The following DAB2IP variants were observed in gnomAD, a reference collection of about 807,000 sequenced individuals.
DAB2IP encodes the protein DAB2 interacting protein.
DAB2IP carries 28 observed loss-of-function variants against 107.2 expected under a neutral mutation model. The ratio of observed to expected loss-of-function variants is 0.26; its 90% CI spans 0.19 to 0.36. DAB2IP has a LOEUF of 0.36. DAB2IP is among the 10% of genes least tolerant of loss of function. The pLI, the probability that DAB2IP is intolerant of heterozygous loss-of-function variation, is 1.00. For synonymous variants in DAB2IP, 755 were observed against 706.4 expected, an observed-to-expected ratio of 1.07 and a Z score of -1.09; for missense variants, 1,400 against 1,644.7, an observed-to-expected ratio of 0.85 and a Z score of 2.57.
chr9:121,754,259 C>T (rs1049758683), intron 3 of DAB2IP, among the ~76,000 whole-genome samples: 2 of 152,168 alleles, frequency 1.3e-5, no homozygotes, highest in African/African-American at 4.8e-5. Context: ...AGGGAGGGAC[C>T]GAGGACACTG....
intron 1 of DAB2IP, among the ~76,000 whole-genome samples, chr9:121,629,201 C>G (rs574142883): frequency 6.6e-6 from 1 of 152,170 alleles, no homozygotes; most frequent in African/African-American, 2.4e-5. Context: ...CACCTCGGGG[C>G]CCTACCTGCA....
intron 1 of DAB2IP, among the ~76,000 whole-genome samples, chr9:121,608,931 T>TTTG (rs1006602576): frequency 4.0e-5 from 6 of 148,854 alleles, no homozygotes; most frequent in African/African-American, 1.2e-4. Context: ...CTAGTTTTTG[T>TTTG]TTGTTTGTTT....
At chr9:121,719,260 G>A (rs1425491459) in intron 3 of DAB2IP, among the ~76,000 whole-genome samples, 1 of 152,236 alleles carries the variant, frequency 6.6e-6, no homozygotes, top group African/African-American at 2.4e-5. Context: ...CACGTAAGAA[G>A]TTGGAGACCC....
At chr9:121,706,584 C>T (rs1260570266) in intron 3 of DAB2IP, among the ~76,000 whole-genome samples, 1 of 152,208 alleles carries the variant, frequency 6.6e-6, no homozygotes, top group Non-Finnish European at 1.5e-5. Flanking sequence ...TTCCTCTCTG[C>T]CCCTCCTTCC....
chr9:121,716,632 C>T (rs1564175742), intron 3 of DAB2IP, among the ~76,000 whole-genome samples: 11 of 152,214 alleles, frequency 7.2e-5, no homozygotes, highest in Admixed American at 7.2e-4. Context: ...CCCCAGTGTG[C>T]TGCCAGGAGA....
intron 1 of DAB2IP, among the ~76,000 whole-genome samples, chr9:121,627,869 C>T (rs1232405506): frequency 1.3e-5 from 2 of 152,218 alleles, no homozygotes; most frequent in Non-Finnish European, 2.9e-5. Context: ...TCTAGTTCAG[C>T]TGTAGAATTC....
chr9:121,575,581 C>T (rs1830039015), intron 1 of DAB2IP, among the ~76,000 whole-genome samples: 1 of 152,168 alleles, frequency 6.6e-6, no homozygotes, highest in African/African-American at 2.4e-5. Context: ...TGGCCTGACT[C>T]ATGCTCAGGT....
Position 121,776,860 on chromosome 9 carries a change from A to G in DAB2IP, c.3314+469A>G, listed in dbSNP as rs145823821. Reference sequence around the variant, plus strand: ...TGTCTGGGTGTGGGCGTATCAGGGTACCAGTTACTGAGCTGGGAACTGTTA... The same window carrying G: ...TGTCTGGGTGTGGGCGTATCAGGGTGCCAGTTACTGAGCTGGGAACTGTTA... On this transcript the variant is annotated intron_variant, in intron 14 of 15. Coordinates refer to ENST00000408936, the Ensembl canonical transcript of DAB2IP. The surrounding 1 kb of genome is among the most constrained non-coding windows in gnomAD (Gnocchi z 5.4). 9.1e-4 allele frequency among the ~76,000 whole-genome samples: 139 copies of G among 152,148 alleles called. 2 individuals are homozygous for G. The highest frequency in any genetic ancestry group is 6.8e-3 in the Middle Eastern group (2 of 294).
chr9:121,653,448 C>T (rs1435156423), intron 1 of DAB2IP, among the ~76,000 whole-genome samples: 3 of 152,120 alleles, frequency 2.0e-5, no homozygotes, highest in Non-Finnish European at 2.9e-5. Flanking sequence ...GGAATCTGGG[C>T]TCAAGCTTTG....
At chr9:121,619,947 T>C (rs1295517971) in intron 1 of DAB2IP, among the ~76,000 whole-genome samples, 3 of 53,194 alleles carry the variant, frequency 5.6e-5, no homozygotes, top group Non-Finnish European at 1.4e-4. Flanking sequence ...GGAGTTAAAC[T>C]GGGATACAAC....
chr9:121,726,520 C>T (rs550882710), intron 3 of DAB2IP, among the ~76,000 whole-genome samples: 4 of 152,206 alleles, frequency 2.6e-5, no homozygotes, highest in Admixed American at 6.5e-5. Flanking sequence ...TAAACCAACA[C>T]GGGGCTTGCA....
intron 1 of DAB2IP, among the ~76,000 whole-genome samples, chr9:121,607,825 C>CTCTTTGGTG (rs1223905709): frequency 6.6e-6 from 1 of 152,236 alleles, no homozygotes; most frequent in East Asian, 1.9e-4. Context: ...GGACTCTTCT[C>CTCTTTGGTG]AGCATCTTTG....
At chr9:121,618,618 G>A (rs1831358172) in intron 1 of DAB2IP, among the ~76,000 whole-genome samples, 1 of 152,202 alleles carries the variant, frequency 6.6e-6, no homozygotes, top group Admixed American at 6.5e-5. Context: ...AAAGTGCTAG[G>A]ATTACAGGCA....
intron 3 of DAB2IP, chr9:121,742,932 TC>T (rs1832455486): frequency 3.0e-6 from 3 of 985,352 alleles, no homozygotes; most frequent in Non-Finnish European, 3.6e-6. Context: ...GTGAGACTCC[TC>T]ATCTTGCCCC....
At position 121,746,444 on chromosome 9, in the gene DAB2IP, A is replaced by G. The variant is rs1047785295; in HGVS notation, c.363-10569A>G. Among the ~76,000 whole-genome samples, 6 of 152,324 alleles carry G rather than the reference A, an allele frequency of 3.9e-5. No individual in the cohort carries two copies. The East Asian group carries it at 5.8e-4, about 15-fold the overall frequency. On this transcript the variant is annotated intron_variant, in intron 3 of 15. Coordinates refer to ENST00000408936, the Ensembl canonical transcript of DAB2IP. ...GAACCATGCCTGCTTACCACCTTCA[A>G]CCAGCATAGTGCCAGGAGCTGGGGC...
At chr9:121,735,751 C>T (rs780408132) in intron 3 of DAB2IP, among the ~76,000 whole-genome samples, 2 of 152,148 alleles carry the variant, frequency 1.3e-5, no homozygotes, top group Non-Finnish European at 2.9e-5. Context: ...GATACCATTG[C>T]GGTGGCTTCT....
At chr9:121,583,340 G>T (rs1830244560) in intron 1 of DAB2IP, among the ~76,000 whole-genome samples, 1 of 152,160 alleles carries the variant, frequency 6.6e-6, no homozygotes, top group Admixed American at 6.5e-5. Context: ...GCAGTGAGTT[G>T]AGATCACACC....
intron 1 of DAB2IP, among the ~76,000 whole-genome samples, chr9:121,625,132 A>G (rs1302891141): frequency 6.6e-6 from 1 of 152,058 alleles, no homozygotes; most frequent in Non-Finnish European, 1.5e-5. Flanking sequence ...TATTTTACAG[A>G]GGAGGAAGTA....
chr9:121,712,099 G>A (rs527480550), intron 3 of DAB2IP, among the ~76,000 whole-genome samples: 1 of 152,210 alleles, frequency 6.6e-6, no homozygotes, highest in Non-Finnish European at 1.5e-5. Context: ...CAGGGGAGCC[G>A]ATGGTTCCTG....
Sources: allele counts gnomAD v4.1 joint callset (sites outside exome capture counted in the v4.1 genomes callset), GRCh38; gene constraint gnomAD v4.1.1; non-coding constraint Gnocchi (gnomAD v3.1); transcripts MANE v1.5; gene names NCBI Gene and HGNC (gene_info 2026-07-23, HGNC 2026-07-21).